SPINK5: variants seen among roughly 807,000 people sequenced by gnomAD.
The protein encoded by SPINK5 is serine peptidase inhibitor Kazal type 5.
Under a neutral mutation model 151.8 loss-of-function variants are expected in SPINK5, and 125 were observed. That is an observed-to-expected ratio of 0.82 (90% CI 0.71 to 0.96). The LOEUF is 0.96. Among genes scored for constraint, SPINK5 ranks in the 40% least tolerant of loss-of-function variants. SPINK5 has a pLI of 0.00. For synonymous variants in SPINK5, 374 were observed against 395.3 expected, an observed-to-expected ratio of 0.95 and a Z score of 0.64; for missense variants, 1,194 against 1,291.9, an observed-to-expected ratio of 0.92 and a Z score of 1.16.
At chr5:148,094,262 T>A in intron 8 of SPINK5, 92 bp from the exon 9 acceptor site, 2 of 1,415,878 alleles carry the variant, frequency 1.4e-6, no homozygotes, top group Admixed American at 1.7e-5. Flanking sequence ...TCCCCTGCAA[T>A]CCACCCTGCG....
At chr5:148,122,182 G>A (rs1331931242) in intron 26 of SPINK5, among the ~76,000 whole-genome samples, 10 of 152,088 alleles carry the variant, frequency 6.6e-5, no homozygotes, top group Admixed American at 5.2e-4. Flanking sequence ...CATAATTAAT[G>A]AATAGAAGAG....
In SPINK5 at chr5:148,119,001, G is replaced by A. The variant is rs1202290342; in HGVS notation, c.2256G>A (p.Glu752=). ...TCTCCTCCAGGGAAAGAGAAGCAGA[G>A]AGAAAAAATGAGTATTCTCGCTCCA... ...MCKAKLEREA[E]RKNEYSRSRS... Residue 752 remains glutamate (E), a synonymous_variant, in exon 24 of 33, where the codon GAG becomes GAA. Transcript: ENST00000256084. 2 of 1,613,838 alleles carry A rather than the reference G, an allele frequency of 1.2e-6. No homozygotes were observed. The highest frequency in any genetic ancestry group is 2.7e-5 in the African/African-American group (2 of 74,910).
chr5:148,118,139 C>T (rs1328929154), intron 22 of SPINK5, among the ~76,000 whole-genome samples: 1 of 152,178 alleles, frequency 6.6e-6, no homozygotes, highest in Non-Finnish European at 1.5e-5. Context: ...CTGCCTCAGC[C>T]TCCCAAGTAG....
intron 32 of SPINK5, among the ~76,000 whole-genome samples, chr5:148,135,885 T>A (rs1376875429): frequency 2.0e-5 from 3 of 152,200 alleles, no homozygotes; most frequent in African/African-American, 7.2e-5. Context: ...CATAATACTT[T>A]CTATTATGCA....
intron 31 of SPINK5, among the ~76,000 whole-genome samples, chr5:148,131,738 A>C (rs183267930): frequency 3.3e-4 from 41 of 125,118 alleles, no homozygotes; most frequent in Non-Finnish European, 5.8e-4. Flanking sequence ...AAAACAGTAG[A>C]GAACTACTGC....
At chr5:148,090,566 T>G (rs560444100) in intron 7 of SPINK5, 1 of 152,084 alleles carries the variant, frequency 6.6e-6, no homozygotes, top group South Asian at 2.1e-4. Context: ...TCTGTGGAAC[T>G]GAGATAGCCA....
rs1211951612 is a variant in SPINK5 at position 148,099,335 on chromosome 5, T to C, written c.1092+20T>C. The C allele has an allele frequency of 6.2e-7, 1 of 1,606,650 alleles. No individual in the cohort carries two copies. The highest frequency in any genetic ancestry group is 8.5e-7 in the Non-Finnish European group (1 of 1,174,494). On this transcript the variant is annotated intron_variant, in intron 12 of 32. Coordinates refer to ENST00000256084, the MANE Select transcript of SPINK5 (RefSeq NM_006846.4). ...TATGCAGTGAGTGGAATCCATCCAA[T>C]AAATCCTATTTGGTGCTATAATTTG...
At chr5:148,126,321 T>C (rs1262255742) in intron 29 of SPINK5, among the ~76,000 whole-genome samples, 1 of 152,026 alleles carries the variant, frequency 6.6e-6, no homozygotes, top group African/African-American at 2.4e-5. Flanking sequence ...ATGATGATGA[T>C]GATGATGATG....
At chr5:148,126,052 TA>T (rs1754423219) in intron 29 of SPINK5, among the ~76,000 whole-genome samples, 2 of 152,378 alleles carry the variant, frequency 1.3e-5, no homozygotes, top group African/African-American at 4.8e-5. Context: ...ATGTAAGTTC[TA>T]ACCAAGATGT....
chr5:148,133,607 A>G (rs1754625239), intron 31 of SPINK5, among the ~76,000 whole-genome samples, 190 bp from the exon 32 acceptor site: 1 of 152,176 alleles, frequency 6.6e-6, no homozygotes, highest in African/African-American at 2.4e-5. Context: ...TAGGGGATGA[A>G]TCTGGAGCAG....
intron 8 of SPINK5, among the ~76,000 whole-genome samples, chr5:148,091,523 T>C (rs1252670081): frequency 6.6e-6 from 1 of 151,890 alleles, no homozygotes; most frequent in Admixed American, 6.6e-5. Flanking sequence ...CAAATTCTGC[T>C]TAATTTCTAG....
intron 10 of SPINK5, 150 bp downstream of exon 10, chr5:148,096,055 T>C: frequency 1.5e-6 from 1 of 658,256 alleles, no homozygotes; most frequent in Non-Finnish European, 2.7e-6. Context: ...AATTTCTAGT[T>C]ATTATTTTGT....
rs1753942204 is a variant in SPINK5, at chr5:148,111,885, G to A, written c.1810G>A (p.Glu604Lys). Residue 604 changes from glutamate to lysine, a missense_variant, in exon 19 of 33, where the codon GAA becomes AAA. Transcript: ENST00000256084. ...CCACGGCAACACCTGCTCCATGTGTGAAGCCTTCTTGTGAGTGGGCGGCAG... is the reference window on the plus strand; with the variant it reads ...CCACGGCAACACCTGCTCCATGTGTAAAGCCTTCTTGTGAGTGGGCGGCAG... The part of the protein sequence containing the change: ...KIHGNTCSMC[E>K]AFFQQEAKEK... 6.2e-7 allele frequency: 1 copy of A among 1,613,998 alleles called. No homozygotes were observed. The highest frequency in any genetic ancestry group is 2.2e-5 in the East Asian group (1 of 44,874).
intron 4 of SPINK5, among the ~76,000 whole-genome samples, chr5:148,078,670 C>T (rs563492183): frequency 4.6e-5 from 7 of 150,540 alleles, no homozygotes; most frequent in African/African-American, 1.5e-4. Context: ...TTAGGCAACA[C>T]ACTTCTGGAT....
chr5:148,128,274 A>T (rs748870718), intron 30 of SPINK5, among the ~76,000 whole-genome samples: 12 of 152,130 alleles, frequency 7.9e-5, no homozygotes, highest in Admixed American at 2.0e-4. Flanking sequence ...AAATGTACAT[A>T]TGCAAGTAAA....
intron 27 of SPINK5, among the ~76,000 whole-genome samples, chr5:148,124,533 A>T (rs1199867276): frequency 6.6e-6 from 1 of 152,204 alleles, no homozygotes; most frequent in African/African-American, 2.4e-5. Flanking sequence ...TCTGGATAAG[A>T]GTATAGTAAC....
At chr5:148,073,743 TAGG>T (rs1053482919) in intron 4 of SPINK5, among the ~76,000 whole-genome samples, 8 of 150,308 alleles carry the variant, frequency 5.3e-5, no homozygotes, top group African/African-American at 1.5e-4. Context: ...TTTAATAAAG[TAGG>T]AGTTTTAAAA....
intron 29 of SPINK5, 21 bp from the exon 30 acceptor site, chr5:148,126,962 A>AT (rs537527349): frequency 5.1e-6 from 8 of 1,568,386 alleles, no homozygotes; most frequent in Non-Finnish European, 7.0e-6. Flanking sequence ...ATTTTAAATT[A>AT]TTTTTTATTT....
chr5:148,123,763 G>C (rs574239519), intron 26 of SPINK5, 70 bp from the exon 27 acceptor site: 6 of 1,599,282 alleles, frequency 3.8e-6, no homozygotes, highest in East Asian at 2.2e-5. Context: ...ATATCTAATC[G>C]GTCAATCATG....
Sources: allele counts gnomAD v4.1 joint callset (sites outside exome capture counted in the v4.1 genomes callset), GRCh38; gene constraint gnomAD v4.1.1; transcripts MANE v1.5; gene names NCBI Gene and HGNC (gene_info 2026-07-23, HGNC 2026-07-21).